DNAH3: variants seen among roughly 807,000 people sequenced by gnomAD.
The protein encoded by DNAH3 is axonemal beta dynein heavy chain 3.
A neutral mutation model predicts 432.5 loss-of-function variants in DNAH3; 332 were observed. That is an observed-to-expected ratio of 0.77 (90% CI 0.70 to 0.84). The LOEUF (loss-of-function observed/expected upper bound fraction) is 0.84. Among genes scored for constraint, DNAH3 ranks in the 40% least tolerant of loss-of-function variants. The pLI, the probability that DNAH3 is intolerant of heterozygous loss-of-function variation, is 0.00. For missense variants in DNAH3, 4,861 were observed against 5,114.0 expected, an observed-to-expected ratio of 0.95 and a Z score of 1.51; for synonymous variants, 1,956 against 1,900.2, an observed-to-expected ratio of 1.03 and a Z score of -0.76.
intron 43 of DNAH3, among the ~76,000 whole-genome samples, 196 bp from the exon 44 acceptor site, chr16:20,997,658 T>C (rs542981524): frequency 6.6e-6 from 1 of 152,092 alleles, no homozygotes; most frequent in South Asian, 2.1e-4. Context: ...TCCTGCCTCA[T>C]TGAGATCTCT....
intron 57 of DNAH3, 60 bp downstream of exon 57, chr16:20,948,423 C>T: frequency 6.4e-7 from 1 of 1,558,838 alleles, no homozygotes; most frequent in Non-Finnish European, 8.7e-7. Flanking sequence ...GCCCTGTAGC[C>T]ATATAGAGAT....
intron 44 of DNAH3, among the ~76,000 whole-genome samples, chr16:20,989,089 T>A (rs112483477): frequency 6.6e-6 from 1 of 152,168 alleles, no homozygotes; most frequent in Non-Finnish European, 1.5e-5. Flanking sequence ...GCTTCCACAG[T>A]GCGGAAAGAG....
intron 41 of DNAH3, among the ~76,000 whole-genome samples, chr16:21,009,267 A>G (rs762801616): frequency 5.9e-5 from 9 of 152,258 alleles, no homozygotes; most frequent in Non-Finnish European, 1.0e-4. Context: ...AAGTATTAGC[A>G]TAGAAAATGC....
chr16:21,145,277 C>T (rs1439845269), exon 3 of DNAH3: 2 of 1,613,928 alleles, frequency 1.2e-6, no homozygotes, highest in African/African-American at 2.7e-5. Context: ...AGGTCCTGGG[C>T]CATCAAGGAG....
At chr16:21,069,724 T>A in intron 22 of DNAH3, 130 bp from the exon 23 acceptor site, 1 of 770,726 alleles carries the variant, frequency 1.3e-6, no homozygotes, top group Non-Finnish European at 2.1e-6. Flanking sequence ...AACAAATACT[T>A]ATTGAGGGCT....
chr16:21,025,480 TATGTAATTATAG>T (rs936178821), intron 38 of DNAH3, among the ~76,000 whole-genome samples: 20 of 147,980 alleles, frequency 1.4e-4, no homozygotes, highest in African/African-American at 2.9e-4. Flanking sequence ...TAGATATAAT[TATGTAATTATAG>T]ATGTAATTAT....
intron 54 of DNAH3, among the ~76,000 whole-genome samples, chr16:20,955,480 T>G (rs1164420538): frequency 2.6e-5 from 4 of 151,002 alleles, no homozygotes; most frequent in Admixed American, 2.0e-4. Context: ...TTTTTTTTAA[T>G]GTAGAGATGG....
intron 28 of DNAH3, among the ~76,000 whole-genome samples, chr16:21,052,571 T>C (rs2089996659): frequency 6.6e-6 from 1 of 152,236 alleles, no homozygotes; most frequent in Non-Finnish European, 1.5e-5. Context: ...AGGGATAACA[T>C]AGTACCTACA....
At chr16:21,047,258 T>A (rs2089743798) in intron 31 of DNAH3, among the ~76,000 whole-genome samples, 1 of 147,778 alleles carries the variant, frequency 6.8e-6, no homozygotes, top group African/African-American at 2.5e-5. Flanking sequence ...CTGGATAATA[T>A]CCTGCAGAGT....
intron 31 of DNAH3, among the ~76,000 whole-genome samples, chr16:21,043,194 G>A (rs1435202011): frequency 1.3e-5 from 2 of 151,540 alleles, no homozygotes; most frequent in East Asian, 1.9e-4. Flanking sequence ...CCCAGTAATG[G>A]GATGGCTGGG....
chr16:21,019,351 G>T lies in DNAH3; in HGVS notation c.6022+273C>A, dbSNP rs2088030394. On this transcript the variant is annotated intron_variant, in intron 41 of 61. Transcript: ENST00000261383. ...TTGTTTGTATTTTTAATAGAGACGG[G>T]GTTTCACCATGTTGGCCAGGCCGGT... 5 of 422,450 alleles carry T rather than the reference G, an allele frequency of 1.2e-5. No homozygotes were observed. The South Asian group carries it at 1.3e-4, about 11-fold the overall frequency. The allele number at this position is 422,450 out of a possible 1,614,324, so 26.2% of individuals were successfully genotyped here. A position where few individuals can be genotyped will look rare whatever the true frequency, so the allele number is the denominator to read the frequency against.
chr16:21,146,824 T>C (rs1016196668), intron 1 of DNAH3, among the ~76,000 whole-genome samples: 4 of 151,102 alleles, frequency 2.6e-5, no homozygotes, highest in Admixed American at 2.0e-4. Context: ...GCAGTGGCTC[T>C]ATCTCAGCTC....
intron 41 of DNAH3, among the ~76,000 whole-genome samples, chr16:21,005,499 C>T (rs963249895): frequency 2.0e-5 from 3 of 152,040 alleles, no homozygotes; most frequent in Non-Finnish European, 4.4e-5. Context: ...TTCTCACAGC[C>T]CCCTAAGTAG....
At chr16:20,969,721 G>A in intron 52 of DNAH3, 71 bp downstream of exon 52, 3 of 1,528,932 alleles carry the variant, frequency 2.0e-6, no homozygotes, top group Non-Finnish European at 2.7e-6. Context: ...ACTTGGGGAT[G>A]CAGTGGGTGC....
chr16:21,007,495 C>G (rs1486043889), intron 41 of DNAH3, among the ~76,000 whole-genome samples: 1 of 152,146 alleles, frequency 6.6e-6, no homozygotes, highest in East Asian at 1.9e-4. Context: ...CCCAGTGTGC[C>G]TGGCCTGTAT....
At chr16:21,140,241 T>G (rs1025598402) in intron 5 of DNAH3, 3 of 239,360 alleles carry the variant, frequency 1.3e-5, no homozygotes, top group Non-Finnish European at 2.4e-5. Flanking sequence ...TTGCAAAATC[T>G]GGCACCCCCA....
chr16:20,975,632 G>A (rs1425286296), intron 50 of DNAH3, among the ~76,000 whole-genome samples: 1 of 152,212 alleles, frequency 6.6e-6, no homozygotes, highest in Non-Finnish European at 1.5e-5. Flanking sequence ...ATCAAGCACT[G>A]TGCTAGGCAC....
intron 21 of DNAH3, among the ~76,000 whole-genome samples, chr16:21,072,374 T>G: frequency 6.6e-6 from 1 of 152,220 alleles, no homozygotes; most frequent in East Asian, 1.9e-4. Flanking sequence ...TTGCCCAGGC[T>G]GGAGTGCAGT....
intron 27 of DNAH3, among the ~76,000 whole-genome samples, chr16:21,057,682 G>A (rs372612427): frequency 1.3e-5 from 2 of 152,204 alleles, no homozygotes; most frequent in African/African-American, 4.8e-5. Flanking sequence ...AGGCAGGACG[G>A]GAGGTGGGTT....
Sources: allele counts gnomAD v4.1 joint callset (sites outside exome capture counted in the v4.1 genomes callset), GRCh38; gene constraint gnomAD v4.1.1; transcripts MANE v1.5; gene names NCBI Gene and HGNC (gene_info 2026-07-23, HGNC 2026-07-21).